LSAMP: variants seen among roughly 807,000 people sequenced by gnomAD.
The protein encoded by LSAMP is limbic system-associated membrane protein.
Under a neutral mutation model 38.6 loss-of-function variants are expected in LSAMP, and 7 were observed. The ratio of observed to expected loss-of-function variants is 0.18; its 90% CI spans 0.10 to 0.34. LSAMP has a LOEUF of 0.34. Ranked by LOEUF, LSAMP falls within the 10% of genes least tolerant of loss-of-function variation. The pLI is 1.00. For synonymous variants in LSAMP, 154 were observed against 166.8 expected, an observed-to-expected ratio of 0.92 and a Z score of 0.59; for missense variants, 313 against 420.0, an observed-to-expected ratio of 0.75 and a Z score of 2.23.
At chr3:116,159,997 G>C (rs1709844568) in intron 1 of LSAMP, among the ~76,000 whole-genome samples, 1 of 152,152 alleles carries the variant, frequency 6.6e-6, no homozygotes, top group African/African-American at 2.4e-5. Context: ...AATACTGCAT[G>C]TTCTCACTTA....
At chr3:116,285,129 T>G (rs1236469569) in intron 1 of LSAMP, among the ~76,000 whole-genome samples, 1 of 152,164 alleles carries the variant, frequency 6.6e-6, no homozygotes, top group Non-Finnish European at 1.5e-5. Context: ...GTGTTAGGGC[T>G]GGCTCAGCTC....
intron 2 of LSAMP, among the ~76,000 whole-genome samples, chr3:116,073,383 G>A (rs1707659279): frequency 6.6e-6 from 1 of 152,166 alleles, no homozygotes; most frequent in African/African-American, 2.4e-5. Flanking sequence ...GCTTAGGATT[G>A]TCTTGGCTAT....
At chr3:116,134,927 T>G (rs75807399) in intron 1 of LSAMP, among the ~76,000 whole-genome samples, 4,261 of 152,254 alleles carry the variant, frequency 0.028, 201 homozygotes, top group African/African-American at 0.097. Context: ...AATATATCTT[T>G]CTGAAATTTT....
chr3:116,208,100 C>A (rs1482754377), intron 1 of LSAMP, among the ~76,000 whole-genome samples: 1 of 150,910 alleles, frequency 6.6e-6, no homozygotes, highest in Admixed American at 6.6e-5. Flanking sequence ...TTGCTCATTT[C>A]TTTTTATTCT....
intron 1 of LSAMP, among the ~76,000 whole-genome samples, chr3:116,188,097 C>T (rs189335134): frequency 1.3e-5 from 2 of 152,202 alleles, no homozygotes; most frequent in Admixed American, 1.3e-4. Flanking sequence ...AAACAACAGG[C>T]CCTTTCAAAG....
intron 1 of LSAMP, among the ~76,000 whole-genome samples, chr3:116,102,785 A>ATCTATCTATCTATCTATCTATCTG (rs562864883): frequency 0.012 from 1,810 of 151,762 alleles, 42 homozygotes; most frequent in African/African-American, 0.042. Flanking sequence ...CTATCTATCT[A>ATCTATCTATCTATCTATCTATCTG]TCTGTCTGTC....
chr3:115,934,848 T>C (rs1937645010), intron 3 of LSAMP, among the ~76,000 whole-genome samples: 1 of 152,152 alleles, frequency 6.6e-6, no homozygotes, highest in South Asian at 2.1e-4. Flanking sequence ...GCATATTACA[T>C]CTAGGAAATG....
intron 1 of LSAMP, among the ~76,000 whole-genome samples, chr3:116,344,903 T>C (rs1260571947): frequency 6.6e-6 from 1 of 152,222 alleles, no homozygotes; most frequent in East Asian, 1.9e-4. Flanking sequence ...TCCCACTCTT[T>C]GATTTCTATA....
chr3:115,934,541 A>G (rs1469805473), intron 3 of LSAMP, among the ~76,000 whole-genome samples: 3 of 152,208 alleles, frequency 2.0e-5, no homozygotes, highest in Non-Finnish European at 2.9e-5. Context: ...TAAAATACAT[A>G]TATACTATAT....
chr3:116,403,804 G>GC (rs1426869938), intron 1 of LSAMP, among the ~76,000 whole-genome samples: 3 of 151,844 alleles, frequency 2.0e-5, no homozygotes, highest in Non-Finnish European at 4.4e-5. Flanking sequence ...AGGTTGGAGT[G>GC]CAGGGGGGGT....
At chr3:115,917,822 G>A (rs67486507) in intron 3 of LSAMP, among the ~76,000 whole-genome samples, 19,316 of 151,998 alleles carry the variant, frequency 0.13, 1,403 homozygotes, top group East Asian at 0.2. Flanking sequence ...ACTTTATTGA[G>A]CATAGTACAT....
At chr3:116,431,911 G>A (rs972329948) in intron 1 of LSAMP, among the ~76,000 whole-genome samples, 1 of 151,904 alleles carries the variant, frequency 6.6e-6, no homozygotes, top group African/African-American at 2.4e-5. Context: ...TTTTCCTTCA[G>A]CTAAGGCAGC....
intron 1 of LSAMP, among the ~76,000 whole-genome samples, chr3:116,239,941 A>G (rs1032458983): frequency 1.3e-5 from 2 of 152,158 alleles, no homozygotes; most frequent in Non-Finnish European, 2.9e-5. Flanking sequence ...GAATAAGTTT[A>G]TAATCTACTC....
rs1427748067 is a variant in LSAMP, at chr3:115,808,161, G to A, written c.*2156C>T. 6 of 44,796 alleles carry A rather than the reference G, an allele frequency of 1.3e-4. No homozygotes were observed. Among genetic ancestry groups the A allele is most frequent in the Non-Finnish European group, 2.0e-4 (5 of 25,256 alleles). 2.8% of individuals were successfully genotyped at this position (44,796 alleles called of 1,614,324 possible). A position where few individuals can be genotyped will look rare whatever the true frequency, so the allele number is the denominator to read the frequency against. On this transcript the variant is annotated 3_prime_UTR_variant, in exon 7 of 7. Coordinates refer to ENST00000490035, the MANE Select transcript of LSAMP (RefSeq NM_002338.5). ...CCCTCCCTCCCTCCCCCCCTTCCCC[G>A]TCCCCCCCTCCCTGCCTTCCTTCCT... is the stretch of plus-strand genomic sequence containing the variant.
At chr3:115,886,369 G>A (rs1318261727) in intron 3 of LSAMP, among the ~76,000 whole-genome samples, 1 of 151,922 alleles carries the variant, frequency 6.6e-6, no homozygotes, top group Non-Finnish European at 1.5e-5. Flanking sequence ...ACTGTTAATA[G>A]TTTACCAATT....
intron 2 of LSAMP, among the ~76,000 whole-genome samples, chr3:116,064,905 TA>T (rs1653766782): frequency 6.6e-6 from 1 of 152,226 alleles, no homozygotes; most frequent in Non-Finnish European, 1.5e-5. Context: ...CACTACGTAC[TA>T]AACATTAAGG....
intron 1 of LSAMP, among the ~76,000 whole-genome samples, chr3:116,208,057 T>C (rs2107602169): frequency 6.6e-6 from 1 of 150,744 alleles, no homozygotes; most frequent in Admixed American, 6.6e-5. Flanking sequence ...GTAGATTTGG[T>C]CTTTTCACAT....
chr3:115,821,378 CT>C (rs1934232414), intron 6 of LSAMP, among the ~76,000 whole-genome samples: 1 of 152,186 alleles, frequency 6.6e-6, no homozygotes, highest in Non-Finnish European at 1.5e-5. Flanking sequence ...TCAGTCTTGA[CT>C]TTTGACAACT....
At chr3:116,200,093 T>TACACACAC (rs36216707) in intron 1 of LSAMP, among the ~76,000 whole-genome samples, 5 of 149,262 alleles carry the variant, frequency 3.3e-5, no homozygotes, top group African/African-American at 1.2e-4. Flanking sequence ...AGTCTTACTT[T>TACACACAC]ACACACACAC....
Sources: allele counts gnomAD v4.1 joint callset (sites outside exome capture counted in the v4.1 genomes callset), GRCh38; gene constraint gnomAD v4.1.1; transcripts MANE v1.5; gene names NCBI Gene and HGNC (gene_info 2026-07-23, HGNC 2026-07-21).